UNC5D: variants seen among roughly 807,000 people sequenced by gnomAD.
UNC5D encodes the protein netrin receptor UNC5D.
Under a neutral mutation model 105.4 loss-of-function variants are expected in UNC5D, and 39 were observed. The observed-to-expected ratio is 0.37, with a 90% CI of 0.29 to 0.48. The LOEUF (loss-of-function observed/expected upper bound fraction) is 0.48. Among genes scored for constraint, UNC5D ranks in the 20% least tolerant of loss-of-function variants. The pLI, the probability that UNC5D is intolerant of heterozygous loss-of-function variation, is 0.98. For missense variants in UNC5D, 991 were observed against 1,202.4 expected (o/e 0.82, Z 2.60); for synonymous variants, 452 against 450.4 (o/e 1.00, Z -0.04).
At chr8:35,572,804 CTTTTTTT>C (rs34528421) in intron 3 of UNC5D, among the ~76,000 whole-genome samples, 2 of 135,870 alleles carry the variant, frequency 1.5e-5, no homozygotes, top group Admixed American at 7.4e-5. Context: ...TTTTATATTT[CTTTTTTT>C]TTTTTTTTTT....
intron 16 of UNC5D, among the ~76,000 whole-genome samples, chr8:35,781,043 A>T (rs115320059): frequency 6.6e-6 from 1 of 152,188 alleles, no homozygotes; most frequent in African/African-American, 2.4e-5. Flanking sequence ...AGATAGTATT[A>T]TACATCGGTC....
chr8:35,261,209 T>C (rs978787966), intron 1 of UNC5D, among the ~76,000 whole-genome samples: 4 of 152,180 alleles, frequency 2.6e-5, no homozygotes, highest in African/African-American at 9.7e-5. Flanking sequence ...CAGTAGCAAC[T>C]GTGAAGGAAC....
chr8:35,558,061 G>A (rs900591795), intron 2 of UNC5D, among the ~76,000 whole-genome samples: 3 of 150,210 alleles, frequency 2.0e-5, no homozygotes, highest in African/African-American at 7.4e-5. Context: ...GGGAGGTGGA[G>A]GTTGCAGTGA....
intron 1 of UNC5D, among the ~76,000 whole-genome samples, chr8:35,284,479 TG>T (rs1388547216): frequency 6.6e-6 from 1 of 152,216 alleles, no homozygotes; most frequent in Non-Finnish European, 1.5e-5. Flanking sequence ...CCATTATCAC[TG>T]GCATATAAAC....
intron 1 of UNC5D, among the ~76,000 whole-genome samples, chr8:35,442,817 C>A (rs1807494723): frequency 6.6e-6 from 1 of 150,806 alleles, no homozygotes; most frequent in Non-Finnish European, 1.5e-5. Flanking sequence ...CAAGTAATTA[C>A]CTTGGGTTGG....
At chr8:35,252,084 C>A (rs999033907) in intron 1 of UNC5D, among the ~76,000 whole-genome samples, 1 of 144,818 alleles carries the variant, frequency 6.9e-6, no homozygotes, top group Admixed American at 7.0e-5. Flanking sequence ...TGCAGTGGCG[C>A]GATCCCGACT....
intron 1 of UNC5D, among the ~76,000 whole-genome samples, chr8:35,546,253 T>C (rs988356705): frequency 6.6e-6 from 1 of 152,144 alleles, no homozygotes. Flanking sequence ...CCCTCAGGCT[T>C]GTCCATTCCA....
At chr8:35,609,115 CTG>C (rs1820515662) in intron 4 of UNC5D, among the ~76,000 whole-genome samples, 1 of 152,050 alleles carries the variant, frequency 6.6e-6, no homozygotes, top group South Asian at 2.1e-4. Flanking sequence ...TGGTATAACA[CTG>C]TGGTATTTCA....
intron 1 of UNC5D, among the ~76,000 whole-genome samples, chr8:35,430,910 A>C (rs1382925385): frequency 6.6e-6 from 1 of 152,204 alleles, no homozygotes; most frequent in Admixed American, 6.5e-5. Flanking sequence ...ACACACATGC[A>C]TGCATGCACA....
At chr8:35,774,056 A>G (rs894071095) in intron 15 of UNC5D, among the ~76,000 whole-genome samples, 1 of 152,144 alleles carries the variant, frequency 6.6e-6, no homozygotes, top group African/African-American at 2.4e-5. Context: ...GAAGCTAGTC[A>G]TTGTGACGCC....
rs1169135961 is a variant in UNC5D, at chr8:35,393,165, C to T, written c.104-156127C>T. 1.0e-4 allele frequency among the ~76,000 whole-genome samples: 12 copies of T among 114,974 alleles called. No homozygotes were observed. In the East Asian group the frequency reaches 1.9e-3, roughly 18 times the overall value. 75.4% of individuals were successfully genotyped at this position (114,974 alleles called of 152,430 possible). On this transcript the variant is annotated intron_variant, in intron 1 of 16. Transcript: ENST00000404895. ...TTTTTTTTTTTTTGAGACGGAGTCT[C>T]GCTGTCGCCCAGGCTGGAGTGCAGT... is the stretch of plus-strand genomic sequence containing the variant.
intron 7 of UNC5D, among the ~76,000 whole-genome samples, chr8:35,689,169 G>T (rs1316823532): frequency 6.6e-6 from 1 of 152,206 alleles, no homozygotes; most frequent in Admixed American, 6.5e-5. Flanking sequence ...TGGATATCAG[G>T]CTTCAATCTT....
At chr8:35,481,596 C>T (rs1246325399) in intron 1 of UNC5D, among the ~76,000 whole-genome samples, 1 of 152,164 alleles carries the variant, frequency 6.6e-6, no homozygotes, top group African/African-American at 2.4e-5. Flanking sequence ...CTCGCTGTTA[C>T]ATCTTTGTCA....
intron 4 of UNC5D, among the ~76,000 whole-genome samples, chr8:35,626,865 G>C (rs1245866929): frequency 6.6e-6 from 1 of 151,806 alleles, no homozygotes; most frequent in Non-Finnish European, 1.5e-5. Context: ...TATCTGGCTT[G>C]TTGGTACTGG....
chr8:35,657,080 GTATATATATA>G (rs3077002), intron 4 of UNC5D, among the ~76,000 whole-genome samples: 117 of 46,492 alleles, frequency 2.5e-3, no homozygotes, highest in African/African-American at 8.6e-3. Flanking sequence ...GTGTGTGTGT[GTATATATATA>G]TATATATATA....
chr8:35,281,075 C>T lies in UNC5D; in HGVS notation c.103+45188C>T, dbSNP rs544598950. The stretch of plus-strand genomic sequence containing the variant: ...CCGGAACTCACTCAGCTCTTCAGCA[C>T]CTCACCAGGCCTTCGCTGTGCCTCA... On this transcript the variant is annotated intron_variant, in intron 1 of 16. Coordinates refer to ENST00000404895, the MANE Select transcript of UNC5D (RefSeq NM_080872.4). 5.3e-5 allele frequency among the ~76,000 whole-genome samples: 8 copies of T among 152,304 alleles called. No individual in the cohort carries two copies. The East Asian group carries it at 1.5e-3, about 29-fold the overall frequency.
intron 1 of UNC5D, among the ~76,000 whole-genome samples, chr8:35,462,636 T>A (rs1376274441): frequency 6.6e-6 from 1 of 152,188 alleles, no homozygotes; most frequent in Non-Finnish European, 1.5e-5. Flanking sequence ...TCATTATTTC[T>A]GTACTTTATT....
intron 12 of UNC5D, among the ~76,000 whole-genome samples, chr8:35,749,202 G>A (rs571720361): frequency 6.6e-6 from 1 of 152,238 alleles, no homozygotes; most frequent in South Asian, 2.1e-4. Flanking sequence ...TATTATCAGT[G>A]TCTATTTCCT....
At chr8:35,556,358 G>A (rs1007307135) in intron 2 of UNC5D, among the ~76,000 whole-genome samples, 1 of 152,042 alleles carries the variant, frequency 6.6e-6, no homozygotes, top group Non-Finnish European at 1.5e-5. Flanking sequence ...ACTTGCATGC[G>A]ATTCAGTCAT....
Sources: allele counts gnomAD v4.1 joint callset (sites outside exome capture counted in the v4.1 genomes callset), GRCh38; gene constraint gnomAD v4.1.1; transcripts MANE v1.5; gene names NCBI Gene and HGNC (gene_info 2026-07-23, HGNC 2026-07-21).